The following CYP19A1 variants were observed in gnomAD, a reference collection of about 807,000 sequenced individuals.
The protein encoded by CYP19A1 is aromatase.
A neutral mutation model predicts 44.4 loss-of-function variants in CYP19A1; 32 were observed. The observed-to-expected ratio is 0.72, with a 90% CI of 0.54 to 0.97. The LOEUF is 0.97. CYP19A1 is among the 50% of genes least tolerant of loss of function. The pLI, the probability that CYP19A1 is intolerant of heterozygous loss-of-function variation, is 0.00. For synonymous variants in CYP19A1, 212 were observed against 215.6 expected, an observed-to-expected ratio of 0.98 and a Z score of 0.14; for missense variants, 598 against 637.8, an observed-to-expected ratio of 0.94 and a Z score of 0.67.
chr15:51,294,676 A>AGGCGGGGGG, intron 1 of CYP19A1, among the ~76,000 whole-genome samples: 1 of 96,872 alleles, frequency 1.0e-5, no homozygotes, highest in East Asian at 3.6e-4. Flanking sequence ...TCCGGGAGGG[A>AGGCGGGGGG]GGTGGGGGGT....
chr15:51,247,087 T>C (rs1025516647), intron 1 of CYP19A1, among the ~76,000 whole-genome samples: 2 of 152,182 alleles, frequency 1.3e-5, no homozygotes, highest in Admixed American at 1.3e-4. Context: ...TGGCCATTCC[T>C]CCTTCTTGTA....
At chr15:51,243,851 A>T (rs750096590) in intron 1 of CYP19A1, among the ~76,000 whole-genome samples, 2 of 152,272 alleles carry the variant, frequency 1.3e-5, no homozygotes, top group Non-Finnish European at 2.9e-5. Context: ...CTGTCTTTTC[A>T]GCCAGGTTTT....
chr15:51,293,905 T>C lies in CYP19A1; in HGVS notation c.-39+44590A>G, dbSNP rs1048299579. 1.0e-4 allele frequency: 22 copies of C among 214,152 alleles called. 1 individual carries two copies. In the East Asian group the frequency reaches 3.1e-3, roughly 30 times the overall value. 13.3% of individuals were successfully genotyped at this position (214,152 alleles called of 1,614,324 possible). ...GTGCAGTGGCGTAATCTCGGCTGGC[T>C]ACAACCTCCACCTCCCAGCCGCCTG... On this transcript the variant is annotated intron_variant, in intron 1 of 9. Transcript: ENST00000396402.
chr15:51,227,716 ATG>A, intron 4 of CYP19A1, 61 bp downstream of exon 4: 8 of 553,528 alleles, frequency 1.4e-5, no homozygotes, highest in Non-Finnish European at 2.6e-5. Flanking sequence ...TTTTAAAAAT[ATG>A]ATTTCAAAAA....
At chr15:51,251,247 A>T (rs191684380) in intron 1 of CYP19A1, among the ~76,000 whole-genome samples, 6 of 152,246 alleles carry the variant, frequency 3.9e-5, no homozygotes, top group African/African-American at 1.4e-4. Context: ...GCAAAGACGG[A>T]AGGTCCCCAA....
chr15:51,213,468 T>C (rs1356766517), intron 8 of CYP19A1, among the ~76,000 whole-genome samples: 1 of 152,200 alleles, frequency 6.6e-6, no homozygotes, highest in Non-Finnish European at 1.5e-5. Flanking sequence ...AGTCTTCTCA[T>C]GGCCCTTCCT....
At chr15:51,332,368 T>G (rs982741973) in intron 1 of CYP19A1, among the ~76,000 whole-genome samples, 1 of 152,230 alleles carries the variant, frequency 6.6e-6, no homozygotes, top group African/African-American at 2.4e-5. Context: ...CACACACCAA[T>G]GTGAGACCTG....
intron 1 of CYP19A1, among the ~76,000 whole-genome samples, chr15:51,267,319 T>C (rs1240212968): frequency 6.6e-6 from 1 of 152,064 alleles, no homozygotes; most frequent in Admixed American, 6.5e-5. Context: ...CGCGGCCCAG[T>C]GCAAAATAAA....
Position 51,215,173 on chromosome 15 carries a change from T to C in CYP19A1, c.918A>G (p.Ala306=), listed in dbSNP as rs1229825630. 1 of 1,614,124 alleles carries C rather than the reference T, an allele frequency of 6.2e-7. No homozygotes were observed. The highest frequency in any genetic ancestry group is 8.5e-7 in the Non-Finnish European group (1 of 1,179,994). ...VNQCILEMLI[A]APDTMSVSLF... ...AAGAGACAGACATGGTGTCAGGAGC[T>C]GCGATCAGCATTTCCAATATGCACT... The change falls in exon 8 of 10, where the codon GCA becomes GCG. Residue 306 remains alanine, a synonymous_variant. Transcript: ENST00000396402.
intron 9 of CYP19A1, chr15:51,211,558 A>G: frequency 2.7e-6 from 1 of 366,106 alleles, no homozygotes; most frequent in South Asian, 2.0e-5. Flanking sequence ...TGCCTGGCAT[A>G]TAGTAGATGT....
intron 3 of CYP19A1, among the ~76,000 whole-genome samples, chr15:51,230,845 C>T (rs557562721): frequency 6.6e-6 from 1 of 152,264 alleles, no homozygotes; most frequent in Non-Finnish European, 1.5e-5. Context: ...TGGTCTCAAA[C>T]TCTTGACTTC....
Position 51,209,378 on chromosome 15 carries a change from G to A in CYP19A1, c.*1430C>T, listed in dbSNP as rs939788263. On this transcript the variant is annotated 3_prime_UTR_variant, in exon 10 of 10. Coordinates refer to ENST00000396402, the MANE Select transcript of CYP19A1 (RefSeq NM_000103.4). ...GAAAGAAAGTAGCTCCTGCTTTCAG[G>A]GAGATTACACTGTCATCTTATACTC... 2 of 152,094 alleles carry A rather than the reference G, an allele frequency of 1.3e-5. No homozygotes were observed. The highest frequency in any genetic ancestry group is 2.9e-5 in the Non-Finnish European group (2 of 68,024). 9.4% of individuals were successfully genotyped at this position (152,094 alleles called of 1,614,324 possible). A position where few individuals can be genotyped will look rare whatever the true frequency, so the allele number is the denominator to read the frequency against.
At chr15:51,266,724 C>T (rs1195059805) in intron 1 of CYP19A1, among the ~76,000 whole-genome samples, 1 of 152,218 alleles carries the variant, frequency 6.6e-6, no homozygotes, top group East Asian at 1.9e-4. Context: ...AAGCTGGAGG[C>T]AAAGAGCTGA....
In CYP19A1 at chr15:51,218,650, C is replaced by T. The variant is rs1046603903; in HGVS notation, c.634G>A (p.Ala212Thr). 3 of 1,612,002 alleles carry T rather than the reference C, an allele frequency of 1.9e-6. No individual in the cohort carries two copies. In the African/African-American group the frequency reaches 4.0e-5, roughly 22 times the overall value. Residue 212 changes from alanine (A) to threonine (T), a missense_variant, in exon 6 of 10, where the codon GCT becomes ACT. Coordinates refer to ENST00000396402, the MANE Select transcript of CYP19A1 (RefSeq NM_000103.4). ...TAACCTTGGATTTTAACCACGATAG[C>T]ACTTTCTGTAGGAAAAAAAAACACA... ...LFLRIPLDES[A>T]IVVKIQGYFD...
intron 1 of CYP19A1, among the ~76,000 whole-genome samples, chr15:51,296,751 T>C (rs2036003248): frequency 6.6e-6 from 1 of 152,212 alleles, no homozygotes; most frequent in Admixed American, 6.5e-5. Context: ...TTAAAAATGG[T>C]GTTCTTAGTG....
At chr15:51,268,157 G>A (rs2034996979) in intron 1 of CYP19A1, among the ~76,000 whole-genome samples, 1 of 152,068 alleles carries the variant, frequency 6.6e-6, no homozygotes, top group Non-Finnish European at 1.5e-5. Context: ...TATTTAAAGT[G>A]TACTATTTTA....
Position 51,242,801 on chromosome 15 carries a change from CCAA to C in CYP19A1, c.109_111del (p.Leu37del). The C allele has an allele frequency of 1.3e-6, 2 of 1,585,706 alleles. No homozygotes were observed. The highest frequency in any genetic ancestry group is 1.7e-6 in the Non-Finnish European group (2 of 1,154,142). On this transcript the variant is annotated inframe_deletion, in exon 2 of 10. Coordinates refer to ENST00000396402, the MANE Select transcript of CYP19A1 (RefSeq NM_000103.4). ...GAGGATGTGCCCTCATAATTCCACACCAAGAGAAAAAGGCCAGTGAGGAGCAGG... is the reference window on the plus strand; with the variant it reads ...GAGGATGTGCCCTCATAATTCCACACGAGAAAAAGGCCAGTGAGGAGCAGG...
intron 1 of CYP19A1, among the ~76,000 whole-genome samples, chr15:51,323,512 A>G (rs1157145278): frequency 6.6e-6 from 1 of 150,724 alleles, no homozygotes; most frequent in Non-Finnish European, 1.5e-5. Flanking sequence ...TTTTTTTTCC[A>G]ACCATGTGGT....
At chr15:51,323,425 A>G (rs2036558822) in intron 1 of CYP19A1, among the ~76,000 whole-genome samples, 1 of 152,148 alleles carries the variant, frequency 6.6e-6, no homozygotes, top group East Asian at 1.9e-4. Context: ...TCAATGATAA[A>G]CGGAGATGGA....
Sources: gnomAD v4.1 joint callset for allele counts (sites outside exome capture counted in the v4.1 genomes callset) on GRCh38, gnomAD v4.1.1 for gene constraint, MANE v1.5 for transcripts, NCBI Gene and HGNC (gene_info 2026-07-23, HGNC 2026-07-21) for gene names.